RELN: variants seen among roughly 807,000 people sequenced by gnomAD.
RELN encodes reelin.
Under a neutral mutation model 427.6 loss-of-function variants are expected in RELN, and 108 were observed. That is an observed-to-expected ratio of 0.25 (90% CI 0.22 to 0.30). RELN has a LOEUF of 0.30. RELN is among the 10% of genes least tolerant of loss of function. The pLI, the probability that RELN is intolerant of heterozygous loss-of-function variation, is 1.00. For synonymous variants in RELN, 1,524 were observed against 1,513.4 expected (o/e 1.01, Z -0.16); for missense variants, 3,715 against 4,302.8 (o/e 0.86, Z 3.82).
rs1792050473 is a variant in RELN at position 103,787,595 on chromosome 7, A to C, written c.474-10968T>G. The stretch of plus-strand genomic sequence containing the variant: ...ACTAGAAAATCTAGAAGAAATGGAT[A>C]AATTCCTAGACACATACACACTCCC... On this transcript the variant is annotated intron_variant, in intron 3 of 64. Transcript: ENST00000428762. Among the ~76,000 whole-genome samples, 4 of 152,252 alleles carry C rather than the reference A, an allele frequency of 2.6e-5. No individual in the cohort carries two copies. The South Asian group carries it at 8.3e-4, about 31-fold the overall frequency.
intron 1 of RELN, among the ~76,000 whole-genome samples, chr7:103,936,390 G>C (rs982655161): frequency 6.6e-6 from 1 of 152,088 alleles, no homozygotes; most frequent in African/African-American, 2.4e-5. Flanking sequence ...ACTGCACCTC[G>C]CCTGGCTTCT....
chr7:103,668,440 C>T (rs1406882144), intron 11 of RELN, among the ~76,000 whole-genome samples: 1 of 152,122 alleles, frequency 6.6e-6, no homozygotes, highest in East Asian at 1.9e-4. Flanking sequence ...TTGGAAGAAA[C>T]TGGGACACAC....
chr7:103,688,973 A>T (rs973121504), intron 10 of RELN, among the ~76,000 whole-genome samples: 1 of 152,154 alleles, frequency 6.6e-6, no homozygotes, highest in Non-Finnish European at 1.5e-5. Flanking sequence ...GAGGCAGTCA[A>T]ATTCAAAGTA....
chr7:103,941,419 A>C (rs1796112193), intron 1 of RELN, among the ~76,000 whole-genome samples: 1 of 152,170 alleles, frequency 6.6e-6, no homozygotes, highest in Non-Finnish European at 1.5e-5. Flanking sequence ...CTTTCTCCCC[A>C]TTCAGTCAAA....
chr7:103,871,386 T>C (rs1794330668), intron 2 of RELN, among the ~76,000 whole-genome samples: 1 of 152,156 alleles, frequency 6.6e-6, no homozygotes, highest in African/African-American at 2.4e-5. Flanking sequence ...AAATTTATAT[T>C]TTACTACTTA....
At chr7:103,825,976 C>T (rs1793128241) in intron 3 of RELN, among the ~76,000 whole-genome samples, 1 of 151,806 alleles carries the variant, frequency 6.6e-6, no homozygotes, top group Non-Finnish European at 1.5e-5. Context: ...AGAGGTAGGA[C>T]CTTTAAGAAG....
At chr7:103,635,389 C>T in intron 19 of RELN, 36 bp downstream of exon 19, 2 of 1,608,342 alleles carry the variant, frequency 1.2e-6, no homozygotes, top group Non-Finnish European at 1.7e-6. Context: ...GAAGATTTCA[C>T]TCTACAACCA....
Position 103,539,089 on chromosome 7 carries a change from T to C in RELN, c.7169A>G (p.Asp2390Gly), listed in dbSNP as rs954422721. Residue 2390 changes from aspartate (D) to glycine (G), a missense_variant, in exon 45 of 65, where the codon GAC becomes GGC. Asp to Gly is a moderately conservative substitution (Grantham distance 94). This residue lies in a region of RELN where 1,310 missense variants were observed against 1,643.0 expected (regional missense o/e 0.80). Coordinates refer to ENST00000428762, the MANE Select transcript of RELN (RefSeq NM_005045.4). ...IDFAASCSVT[D>G]SCYAIELEYS... The stretch of plus-strand genomic sequence containing the variant: ...GACGGCATACTCACCATAACAAGAG[T>C]CTGTGACTGAGCAGGAGGCAGCGAA... 3 of 1,613,554 alleles carry C rather than the reference T, an allele frequency of 1.9e-6. No individual in the cohort carries two copies. The highest frequency in any genetic ancestry group is 2.7e-5 in the African/African-American group (2 of 74,730).
intron 1 of RELN, among the ~76,000 whole-genome samples, chr7:103,957,503 C>T (rs1796457173): frequency 6.6e-6 from 1 of 152,144 alleles, no homozygotes; most frequent in African/African-American, 2.4e-5. Context: ...ATAGAGAAAC[C>T]AGAGGTGACT....
At chr7:103,979,429 A>G (rs970649540) in intron 1 of RELN, among the ~76,000 whole-genome samples, 1 of 152,228 alleles carries the variant, frequency 6.6e-6, no homozygotes, top group African/African-American at 2.4e-5. Flanking sequence ...CAGCAGGTGG[A>G]CTACTTGGAG....
At chr7:103,980,102 T>C (rs1425401575) in intron 1 of RELN, among the ~76,000 whole-genome samples, 5 of 151,774 alleles carry the variant, frequency 3.3e-5, no homozygotes, top group Admixed American at 6.6e-5. Flanking sequence ...GGAGGTTTCG[T>C]TGACGGAAGA....
chr7:103,611,736 C>T lies in RELN; in HGVS notation c.2770G>A (p.Ala924Thr), dbSNP rs781364017. ...AAACTGAACTGAATCATATAGGATG[C>T]TCCTATCTGCATTGATTGTGTTTCC... is the stretch of plus-strand genomic sequence containing the variant. The part of the protein sequence containing the change: ...YVETQSMQIG[A>T]SYMIQFSLVM... The change falls in exon 21 of 65, where the codon GCA becomes ACA. Residue 924 changes from alanine to threonine, a missense_variant. Coordinates refer to ENST00000428762, the MANE Select transcript of RELN (RefSeq NM_005045.4). 31 of 1,612,978 alleles carry T rather than the reference C, an allele frequency of 1.9e-5. No homozygotes were observed. The highest frequency in any genetic ancestry group is 2.7e-5 in the African/African-American group (2 of 74,874).
intron 11 of RELN, among the ~76,000 whole-genome samples, chr7:103,679,191 G>A (rs1440945393): frequency 2.0e-5 from 3 of 152,106 alleles, no homozygotes; most frequent in Admixed American, 6.5e-5. Flanking sequence ...AAAACACTAT[G>A]GATTAAACTA....
chr7:103,917,178 A>T lies in RELN; in HGVS notation c.234T>A (p.Ile78=). 6.2e-7 allele frequency: 1 copy of T among 1,612,850 alleles called. No individual in the cohort carries two copies. Among genetic ancestry groups the T allele is most frequent in the Non-Finnish European group, 8.5e-7 (1 of 1,178,994 alleles). Residue 78 remains isoleucine (I), a synonymous_variant, in exon 2 of 65, where the codon ATT becomes ATA. Transcript: ENST00000428762. ...YVPGQEYHVT[I]STSTFFDGLL... is the part of the protein sequence containing the mutation. ...AGCCGTCAAAAAAGGTGCTTGTTGA[A>T]ATTGTCACTGAAATGTAAGAAAGAA...
chr7:103,966,490 A>AT (rs751185442), intron 1 of RELN, among the ~76,000 whole-genome samples: 2 of 152,058 alleles, frequency 1.3e-5, no homozygotes, highest in Admixed American at 1.3e-4. Context: ...TACAGAATTG[A>AT]TTTTTTTTCT....
intron 3 of RELN, among the ~76,000 whole-genome samples, chr7:103,781,606 C>T (rs1332261394): frequency 6.6e-6 from 1 of 152,068 alleles, no homozygotes; most frequent in African/African-American, 2.4e-5. Flanking sequence ...ATATCTTGAA[C>T]TTATCCCTCC....
At chr7:103,835,023 T>C (rs1183290667) in intron 2 of RELN, among the ~76,000 whole-genome samples, 1 of 152,204 alleles carries the variant, frequency 6.6e-6, no homozygotes, top group Non-Finnish European at 1.5e-5. Flanking sequence ...GCTTTATTCA[T>C]AATTGCCAAA....
intron 2 of RELN, among the ~76,000 whole-genome samples, chr7:103,898,528 A>T (rs4125503): frequency 0.35 from 52,968 of 151,802 alleles, 9,699 homozygotes; most frequent in East Asian, 0.67. Flanking sequence ...AATTGGTTTC[A>T]GGATAACTAA....
In RELN at chr7:103,974,661, T is replaced by C. The variant is rs569932781; in HGVS notation, c.226+14470A>G. Among the ~76,000 whole-genome samples, 3 of 152,352 alleles carry C rather than the reference T, an allele frequency of 2.0e-5. 1 individual carries two copies. In the South Asian group the frequency reaches 6.2e-4, roughly 32 times the overall value. ...GCTGTTCCCTTTGTATGTTCATCACTGTCCAAGTAAATTTCTCTTAGAAGA... is the reference window on the plus strand; with the variant it reads ...GCTGTTCCCTTTGTATGTTCATCACCGTCCAAGTAAATTTCTCTTAGAAGA... On this transcript the variant is annotated intron_variant, in intron 1 of 64. Transcript: ENST00000428762.
Sources: gnomAD v4.1 joint callset for allele counts (sites outside exome capture counted in the v4.1 genomes callset) on GRCh38, gnomAD v4.1.1 for gene constraint, gnomAD v4.1.1 regional missense constraint, MANE v1.5 for transcripts, NCBI Gene and HGNC (gene_info 2026-07-23, HGNC 2026-07-21) for gene names.